TAF1B: variants seen among roughly 807,000 people sequenced by gnomAD.
TAF1B encodes TATA-box binding protein associated factor, RNA polymerase I subunit B, also known as TATA box-binding protein-associated factor RNA polymerase I subunit B.
In TAF1B, 61 loss-of-function variants were observed where a neutral mutation model predicts 83.9. The observed-to-expected ratio is 0.73, with a 90% confidence interval of 0.59 to 0.90. TAF1B has a LOEUF of 0.90. TAF1B is among the 40% of genes least tolerant of loss of function. TAF1B has a pLI of 0.00. For missense variants in TAF1B, 625 were observed against 677.0 expected, an observed-to-expected ratio of 0.92 and a Z score of 0.85; for synonymous variants, 221 against 224.6, an observed-to-expected ratio of 0.98 and a Z score of 0.14.
chr2:9,927,124 GGTTTTCTGTCCTT>G (rs1476427735), intron 14 of TAF1B, among the ~76,000 whole-genome samples: 1 of 139,246 alleles, frequency 7.2e-6, no homozygotes, highest in East Asian at 2.2e-4. Flanking sequence ...TATGGTGTTT[GGTTTTCTGTCCTT>G]GTGATAGTTT....
At chr2:9,878,058 A>G (rs1431248423) in intron 7 of TAF1B, among the ~76,000 whole-genome samples, 2 of 152,138 alleles carry the variant, frequency 1.3e-5, no homozygotes, top group African/African-American at 4.8e-5. Flanking sequence ...CTAAGTCATA[A>G]GTTCTCAAAA....
intron 6 of TAF1B, chr2:9,868,849 C>G: frequency 5.6e-6 from 2 of 356,062 alleles, no homozygotes; most frequent in Non-Finnish European, 1.1e-5. Flanking sequence ...TAAAATTTAC[C>G]TTGTTACATG....
At chr2:9,932,012 C>T (rs1268300255) in intron 14 of TAF1B, among the ~76,000 whole-genome samples, 2 of 152,178 alleles carry the variant, frequency 1.3e-5, no homozygotes, top group African/African-American at 2.4e-5. Context: ...GTTTTCAGCT[C>T]CATCAGATCA....
chr2:9,913,327 A>C lies in TAF1B; in HGVS notation c.1271+78A>C, dbSNP rs765911265. 5.9e-6 allele frequency: 7 copies of C among 1,180,408 alleles called. 1 individual carries two copies. In the South Asian group the frequency reaches 8.9e-5, roughly 15 times the overall value. 73.1% of individuals were successfully genotyped at this position (1,180,408 alleles called of 1,614,324 possible). A position where few individuals can be genotyped will look rare whatever the true frequency, so the allele number is the denominator to read the frequency against. ...CTTTACATTTGAAAGCTGAAGCTTC[A>C]TCAGTATACACTTATCTACATTGTG... is the stretch of plus-strand genomic sequence containing the variant. On this transcript the variant is annotated intron_variant, in intron 12 of 14. Coordinates refer to ENST00000263663, the MANE Select transcript of TAF1B (RefSeq NM_005680.3).
At chr2:9,843,640 C>T in intron 1 of TAF1B, 81 bp downstream of exon 1, 4 of 1,390,040 alleles carry the variant, frequency 2.9e-6, no homozygotes, top group Non-Finnish European at 3.8e-6. Context: ...CGGAGGACGC[C>T]GCGGGTTGGG....
At chr2:9,849,351 G>C in intron 2 of TAF1B, 22 bp from the exon 3 acceptor site, 2 of 1,544,784 alleles carry the variant, frequency 1.3e-6, no homozygotes, top group Non-Finnish European at 1.8e-6. Flanking sequence ...CTTTTTTAAT[G>C]GTCTTTTTCT....
chr2:9,903,348 G>A (rs1665241818), intron 8 of TAF1B, among the ~76,000 whole-genome samples: 1 of 152,136 alleles, frequency 6.6e-6, no homozygotes, highest in Non-Finnish European at 1.5e-5. Context: ...GCCTCCCAAA[G>A]TGCTGGGATT....
chr2:9,914,471 C>G lies in TAF1B; in HGVS notation c.1271+1222C>G, dbSNP rs937485935. Among the ~76,000 whole-genome samples, 1 of 152,050 alleles carries G rather than the reference C, an allele frequency of 6.6e-6. No homozygotes were observed. The highest frequency in any genetic ancestry group is 1.5e-5 in the Non-Finnish European group (1 of 68,004). On this transcript the variant is annotated intron_variant, in intron 12 of 14. Coordinates refer to ENST00000263663, the MANE Select transcript of TAF1B (RefSeq NM_005680.3). The surrounding 1 kb of genome is among the most constrained non-coding windows in gnomAD (Gnocchi z 4.3). ...TTCTGTGGTGCTAGCTGGGGTTAGT[C>G]CTGACGGATCCTAAGGACTGGGTGC...
intron 4 of TAF1B, among the ~76,000 whole-genome samples, chr2:9,852,496 A>ATTT (rs77080337): frequency 8.7e-5 from 13 of 149,272 alleles, no homozygotes; most frequent in Non-Finnish European, 1.2e-4. Flanking sequence ...ATGCTAAGTG[A>ATTT]TTTTTTTTTT....
intron 2 of TAF1B, chr2:9,846,306 G>A: frequency 2.8e-6 from 1 of 351,862 alleles, no homozygotes; most frequent in South Asian, 2.3e-5. Context: ...TGAGTGCTAG[G>A]TCCTATTGTG....
chr2:9,899,215 GA>G (rs1156465450), intron 8 of TAF1B, among the ~76,000 whole-genome samples: 1 of 151,986 alleles, frequency 6.6e-6, no homozygotes, highest in African/African-American at 2.4e-5. Context: ...CTGTCTCTAG[GA>G]ATTTGACTTC....
At chr2:9,924,448 A>C (rs4668654) in intron 14 of TAF1B, among the ~76,000 whole-genome samples, 6 of 152,030 alleles carry the variant, frequency 3.9e-5, no homozygotes, top group African/African-American at 1.4e-4. Context: ...AGGGGAGCCA[A>C]CATCAGAATC....
chr2:9,926,567 G>A (rs762388868), intron 14 of TAF1B, among the ~76,000 whole-genome samples: 7 of 151,990 alleles, frequency 4.6e-5, no homozygotes, highest in East Asian at 3.9e-4. Flanking sequence ...GGCCAGGTGC[G>A]GTGGCTCATG....
At chr2:9,849,326 G>T in intron 2 of TAF1B, 47 bp from the exon 3 acceptor site, 2 of 1,399,186 alleles carry the variant, frequency 1.4e-6, no homozygotes, top group Non-Finnish European at 1.9e-6. Context: ...AATGCTTAGG[G>T]GGATGTAAAA....
intron 7 of TAF1B, among the ~76,000 whole-genome samples, chr2:9,877,160 G>A (rs900827525): frequency 2.0e-5 from 3 of 152,056 alleles, no homozygotes; most frequent in Admixed American, 6.6e-5. Context: ...TTTTCCCAAC[G>A]CTTTAATTAC....
chr2:9,894,110 AT>A lies in TAF1B; in HGVS notation c.808-10746del, dbSNP rs553723189. ...AGTGTAAATTGAGCATAAAGACCGT[AT>A]TTAATGCTTCTATTTTATTATCTAT... On this transcript the variant is annotated intron_variant, in intron 8 of 14. Coordinates refer to ENST00000263663, the MANE Select transcript of TAF1B (RefSeq NM_005680.3). 5.9e-3 allele frequency among the ~76,000 whole-genome samples: 906 copies of A among 152,314 alleles called. 9 individuals carry two copies. The highest frequency in any genetic ancestry group is 0.021 in the African/African-American group (873 of 41,570).
intron 14 of TAF1B, among the ~76,000 whole-genome samples, chr2:9,931,458 T>C (rs1666209302): frequency 1.3e-5 from 2 of 152,180 alleles, no homozygotes; most frequent in African/African-American, 4.8e-5. Flanking sequence ...AAATTCTGGG[T>C]TGAAAATTCT....
chr2:9,861,560 G>A (rs922473076), intron 5 of TAF1B, among the ~76,000 whole-genome samples: 6 of 152,224 alleles, frequency 3.9e-5, no homozygotes, highest in Middle Eastern at 3.2e-3. Flanking sequence ...AACCTCTGCA[G>A]ACTTAAATGT....
intron 14 of TAF1B, among the ~76,000 whole-genome samples, chr2:9,928,559 T>G (rs929503600): frequency 3.3e-5 from 5 of 152,238 alleles, no homozygotes; most frequent in African/African-American, 1.2e-4. Flanking sequence ...TAGTTCTCCT[T>G]GAAGAGATCC....
Sources: allele counts gnomAD v4.1 joint callset (sites outside exome capture counted in the v4.1 genomes callset), GRCh38; gene constraint gnomAD v4.1.1; non-coding constraint Gnocchi (gnomAD v3.1); transcripts MANE v1.5; gene names NCBI Gene and HGNC (gene_info 2026-07-23, HGNC 2026-07-21).